The following ZBTB45 variants were observed in gnomAD, a reference collection of about 807,000 sequenced individuals.
ZBTB45 encodes the protein zinc finger and BTB domain containing 45.
Under a neutral mutation model 28.4 loss-of-function variants are expected in ZBTB45, and 22 were observed. That is an observed-to-expected ratio of 0.77 (90% confidence interval 0.55 to 1.10). The LOEUF (loss-of-function observed/expected upper bound fraction) is 1.10. Ranked by LOEUF, ZBTB45 falls within the 50% of genes least tolerant of loss-of-function variation. The probability of loss-of-function intolerance (pLI) is 0.00; values close to 1 mark genes in which losing one functional copy is unlikely to be tolerated. For synonymous variants in ZBTB45, 361 were observed against 332.3 expected, an observed-to-expected ratio of 1.09 and a Z score of -0.94; for missense variants, 656 against 750.2, an observed-to-expected ratio of 0.87 and a Z score of 1.47.
In ZBTB45 at chr19:58,517,349, G is replaced by A; in HGVS notation, c.325C>T (p.Leu109Phe). The A allele has an allele frequency of 1.2e-6, 2 of 1,612,060 alleles. No homozygotes were observed. Among genetic ancestry groups the A allele is most frequent in the Non-Finnish European group, 1.7e-6 (2 of 1,179,902 alleles). ...TCGTCGATAACTGTCTGTATGCGAA[G>A]CACTGACGCGGCCGTGAGCACCTGC... ...ALQVLTAASV[L>F]RIQTVIDECT... is the part of the protein sequence containing the mutation. The change falls in exon 2 of 3, where the codon CTT becomes TTT. Residue 109 changes from leucine (L) to phenylalanine (F), a missense_variant. Physicochemically the swap from Leu to Phe is conservative, Grantham distance 22. Transcript: ENST00000594051.
Position 58,516,763 on chromosome 19 carries a change from G to A in ZBTB45, c.911C>T (p.Thr304Ile). The A allele has an allele frequency of 6.2e-7, 1 of 1,613,574 alleles. No individual in the cohort carries two copies. The highest frequency in any genetic ancestry group is 1.1e-5 in the South Asian group (1 of 91,068). Reference protein sequence around the residue: ...EDGAVPEGCPTETPVQPDCIL... With the variant: ...EDGAVPEGCPIETPVQPDCIL... ...GCAGTCGGGCTGGACAGGGGTCTCAGTGGGACAGCCTTCGGGGACAGCGCC... is the reference window on the plus strand; with the variant it reads ...GCAGTCGGGCTGGACAGGGGTCTCAATGGGACAGCCTTCGGGGACAGCGCC... The change falls in exon 2 of 3, where the codon ACT (threonine) becomes ATT (isoleucine). Residue 304 changes from threonine to isoleucine, a missense_variant. By Grantham distance (89) the Thr-to-Ile change is moderately conservative. Transcript: ENST00000594051. The surrounding 1 kb of genome is among the most constrained non-coding windows in gnomAD (Gnocchi z 6.2).
chr19:58,535,387 C>A (rs1426731952), intron 1 of ZBTB45, among the ~76,000 whole-genome samples: 4 of 151,820 alleles, frequency 2.6e-5, no homozygotes, highest in Admixed American at 1.3e-4. Flanking sequence ...GTAATCCCAG[C>A]ACTTTGGGAG....
intron 1 of ZBTB45, chr19:58,519,369 C>T (rs955717323): frequency 6.6e-6 from 1 of 152,390 alleles, no homozygotes; most frequent in Non-Finnish European, 1.5e-5. Flanking sequence ...GCGACGGGCT[C>T]CATTCCTCAG....
At chr19:58,522,399 T>C (rs1276105350), upstream of ZBTB45, among the ~76,000 whole-genome samples, 1 of 151,776 alleles carries the variant, frequency 6.6e-6, no homozygotes, top group Non-Finnish European at 1.5e-5. Flanking sequence ...TGACCTCAGG[T>C]GATCTGCCTG....
rs2053507022 is a variant in ZBTB45, at chr19:58,516,860, A to C, written c.814T>G (p.Phe272Val). 6.2e-7 allele frequency: 1 copy of C among 1,613,436 alleles called. No homozygotes were observed. The highest frequency in any genetic ancestry group is 8.5e-7 in the Non-Finnish European group (1 of 1,179,998). The change falls in exon 2 of 3, where the codon TTT (phenylalanine) becomes GTT (valine). Residue 272 changes from phenylalanine to valine, a missense_variant. By Grantham distance (50) the Phe-to-Val change is conservative. This residue lies in a region of ZBTB45 where 448 missense variants were observed against 444.3 expected (regional missense o/e 1.01). Transcript: ENST00000594051. This position sits in a 1 kb window ranked among gnomAD's most constrained non-coding sequence, Gnocchi z 6.2. ...LADYSGAGRD[F>V]LRGAGSAEDV... ...TCAGCTGACCCAGCTCCCCGAAGAA[A>C]ATCTCTCCCGGCACCACTGTAGTCA...
Position 58,517,515 on chromosome 19 carries a change from G to A in ZBTB45, c.159C>T (p.Ala53=), listed in dbSNP as rs765221803. 2.0e-5 allele frequency: 33 copies of A among 1,613,272 alleles called. No homozygotes were observed. Among genetic ancestry groups the A allele is most frequent in the Admixed American group, 5.0e-5 (3 of 59,976 alleles). The change falls in exon 2 of 3, where the codon GCC becomes GCT. Residue 53 remains alanine, a synonymous_variant. Transcript: ENST00000594051. ...SLRAHRCVLA[A]GSPFFQDKLL... ...GCTTGTCTTGGAAGAAGGGTGAGCC[G>A]GCCGCCAGCACGCAGCGGTGGGCAC...
chr19:58,518,694 T>C (rs2053546687), intron 1 of ZBTB45, among the ~76,000 whole-genome samples: 1 of 152,060 alleles, frequency 6.6e-6, no homozygotes, highest in African/African-American at 2.4e-5. Flanking sequence ...CCGTGATCCT[T>C]CGGCCTGTTT....
chr19:58,535,209 T>C (rs1440666699), intron 1 of ZBTB45, among the ~76,000 whole-genome samples: 3 of 151,960 alleles, frequency 2.0e-5, no homozygotes, highest in Non-Finnish European at 4.4e-5. Flanking sequence ...GGTTTCACCA[T>C]GTTGGCCAGG....
intron 2 of ZBTB45, 65 bp from the exon 3 acceptor site, chr19:58,514,375 C>T (rs1426069234): frequency 1.5e-6 from 2 of 1,323,542 alleles, no homozygotes; most frequent in East Asian, 5.9e-5. Flanking sequence ...CCCACCCCAC[C>T]CCACCCCCAC....
chr19:58,532,882 C>T (rs2053642038), intron 1 of ZBTB45, among the ~76,000 whole-genome samples: 1 of 151,784 alleles, frequency 6.6e-6, no homozygotes, highest in African/African-American at 2.4e-5. Context: ...GTCACCCAGG[C>T]TGGAGTGCAG....
Position 58,516,193 on chromosome 19 carries a change from G to T in ZBTB45, c.1279+202C>A, listed in dbSNP as rs907444569. Among the ~76,000 whole-genome samples, 6 of 152,100 alleles carry T rather than the reference G, an allele frequency of 3.9e-5. No individual in the cohort carries two copies. The highest frequency in any genetic ancestry group is 1.4e-4 in the African/African-American group (6 of 41,396). On this transcript the variant is annotated intron_variant, in intron 2 of 2. Transcript: ENST00000594051. This position sits in a 1 kb window ranked among gnomAD's most constrained non-coding sequence, Gnocchi z 6.2. ...CCCAGCCTCAGGATCCCCCTCCACA[G>T]AAGCCAGTGCCTGCTGCTCCACAGA...
chr19:58,516,586 G>A lies in ZBTB45; in HGVS notation c.1088C>T (p.Thr363Ile). 1.3e-6 allele frequency: 2 copies of A among 1,579,192 alleles called. No individual in the cohort carries two copies. Among genetic ancestry groups the A allele is most frequent in the Non-Finnish European group, 1.7e-6 (2 of 1,162,476 alleles). Reference protein sequence around the residue: ...APAPPPAFYPTLQPEAAPSTQ... With the variant: ...APAPPPAFYPILQPEAAPSTQ... ...ACTGGGGGCTGCCTCGGGCTGGAGT[G>A]TGGGGTAGAAGGCGGGTGGGGGCGC... Residue 363 changes from threonine to isoleucine, a missense_variant, in exon 2 of 3, where the codon ACA becomes ATA. Around this residue, in one of 3 missense-constraint regions of ZBTB45, gnomAD observed 448 missense variants for 444.3 expected, o/e 1.01. Coordinates refer to ENST00000594051, the MANE Select transcript of ZBTB45 (RefSeq NM_001316979.2). The surrounding 1 kb of genome is among the most constrained non-coding windows in gnomAD (Gnocchi z 6.2).
Position 58,514,011 on chromosome 19 carries a change from G to A in ZBTB45, c.*43C>T. The A allele has an allele frequency of 7.3e-7, 1 of 1,369,170 alleles. No individual in the cohort carries two copies. The highest frequency in any genetic ancestry group is 9.4e-7 in the Non-Finnish European group (1 of 1,067,602). 84.8% of individuals were successfully genotyped at this position (1,369,170 alleles called of 1,614,324 possible). A position where few individuals can be genotyped will look rare whatever the true frequency, so the allele number is the denominator to read the frequency against. ...GCAGCGGGCGTGGCCGACTGTGCGG[G>A]AGGCCCCGGATCCACCGTGGGCGAG... is the stretch of plus-strand genomic sequence containing the variant. On this transcript the variant is annotated 3_prime_UTR_variant, in exon 3 of 3. Coordinates refer to ENST00000594051, the MANE Select transcript of ZBTB45 (RefSeq NM_001316979.2).
At position 58,516,405 on chromosome 19, in the gene ZBTB45, G is replaced by GA; in HGVS notation, c.1268dup (p.Ile424HisfsTer120). On this transcript the variant is annotated frameshift_variant, in exon 2 of 3. Transcript: ENST00000594051. LOFTEE classifies it high-confidence loss of function. This position sits in a 1 kb window ranked among gnomAD's most constrained non-coding sequence, Gnocchi z 6.2. ...CCCGCCCTGGCTCACCCGAGTGGATGAACATGTGCTTGGTGTAGTTTTTCC... is the reference window on the plus strand; with the variant it reads ...CCCGCCCTGGCTCACCCGAGTGGATGAAACATGTGCTTGGTGTAGTTTTTCC... 1 of 1,613,988 alleles carries GA rather than the reference G, an allele frequency of 6.2e-7. No homozygotes were observed. The highest frequency in any genetic ancestry group is 8.5e-7 in the Non-Finnish European group (1 of 1,179,878).
At chr19:58,517,891 C>T (rs763421589) in intron 1 of ZBTB45, among the ~76,000 whole-genome samples, 1 of 151,570 alleles carries the variant, frequency 6.6e-6, no homozygotes, top group Admixed American at 6.6e-5. Flanking sequence ...CTGGCCAGGC[C>T]GTCTACAGCC....
chr19:58,515,679 C>G lies in ZBTB45; in HGVS notation c.1279+716G>C, dbSNP rs2053482548. 6.6e-6 allele frequency among the ~76,000 whole-genome samples: 1 copy of G among 152,196 alleles called. No individual in the cohort carries two copies. The highest frequency in any genetic ancestry group is 2.4e-5 in the African/African-American group (1 of 41,436). ...CCAGCCAAATTTTTGCTTTTTCTGA[C>G]AATGCTCAGCAGGCTTCTGCTTTCC... On this transcript the variant is annotated intron_variant, in intron 2 of 2. Coordinates refer to ENST00000594051, the MANE Select transcript of ZBTB45 (RefSeq NM_001316979.2). This position sits in a 1 kb window ranked among gnomAD's most constrained non-coding sequence, Gnocchi z 4.7.
chr19:58,533,069 C>T (rs1304586295), intron 1 of ZBTB45, among the ~76,000 whole-genome samples: 1 of 152,086 alleles, frequency 6.6e-6, no homozygotes, highest in African/African-American at 2.4e-5. Context: ...CTCCCGACCT[C>T]AGGTGATCCA....
chr19:58,521,494 C>T (rs921566885), upstream of ZBTB45, among the ~76,000 whole-genome samples: 4 of 152,058 alleles, frequency 2.6e-5, no homozygotes, highest in African/African-American at 9.7e-5. Flanking sequence ...CTCCAGATAG[C>T]AGCTTAGTCC....
At chr19:58,526,797 C>T (rs1262186923) in intron 1 of ZBTB45, among the ~76,000 whole-genome samples, 1 of 151,618 alleles carries the variant, frequency 6.6e-6, no homozygotes, top group Non-Finnish European at 1.5e-5. Flanking sequence ...TCCCAAAGTG[C>T]TGGGATTACA....
Sources: gnomAD v4.1 joint callset for allele counts (sites outside exome capture counted in the v4.1 genomes callset) on GRCh38, gnomAD v4.1.1 for gene constraint, gnomAD v4.1.1 regional missense constraint, Gnocchi (gnomAD v3.1) non-coding constraint, MANE v1.5 for transcripts, NCBI Gene and HGNC (gene_info 2026-07-23, HGNC 2026-07-21) for gene names.